The following MCF2L variants were observed in gnomAD, a reference collection of about 807,000 sequenced individuals.
MCF2L encodes guanine nucleotide exchange factor DBS.
In MCF2L, 97 loss-of-function variants were observed where a neutral mutation model predicts 153.4. The observed-to-expected ratio is 0.63, with a 90% confidence interval of 0.54 to 0.75. The LOEUF (loss-of-function observed/expected upper bound fraction) is 0.75, where lower values mean the gene tolerates loss of function less well. Ranked by LOEUF, MCF2L falls within the 30% of genes least tolerant of loss-of-function variation. The pLI is 0.00. For missense variants in MCF2L, 1,347 were observed against 1,495.2 expected (o/e 0.90, Z 1.64); for synonymous variants, 659 against 632.2 (o/e 1.04, Z -0.64).
chr13:113,089,509 C>T (rs2034991553), intron 25 of MCF2L, 101 bp from the exon 26 acceptor site: 14 of 773,406 alleles, frequency 1.8e-5, no homozygotes, highest in South Asian at 8.0e-5. Flanking sequence ...AGGATCAGGC[C>T]GGGAGCTCAG....
intron 4 of MCF2L, among the ~76,000 whole-genome samples, chr13:113,060,101 G>A (rs1441415663): frequency 6.6e-6 from 1 of 152,096 alleles, no homozygotes; most frequent in Non-Finnish European, 1.5e-5. Context: ...TTCTGGTCTG[G>A]CTGCCTCCTG....
rs1306003386 is a variant in MCF2L, at chr13:112,904,795, C to G, written c.169+2424C>G. On this transcript the variant is annotated intron_variant, in intron 2 of 29. Transcript: ENST00000375608. This position sits in a 1 kb window ranked among gnomAD's most constrained non-coding sequence, Gnocchi z 4.2. The stretch of plus-strand genomic sequence containing the variant: ...GCTCTCAGGCCCTGCCTGCACCACA[C>G]CTGCTCCGTCTCCAGGTGACCTGGG... 6.6e-6 allele frequency among the ~76,000 whole-genome samples: 1 copy of G among 152,272 alleles called. No individual in the cohort carries two copies. The highest frequency in any genetic ancestry group is 2.4e-5 in the African/African-American group (1 of 41,482).
At chr13:113,026,508 G>C (rs535586336) in intron 3 of MCF2L, among the ~76,000 whole-genome samples, 4 of 152,188 alleles carry the variant, frequency 2.6e-5, no homozygotes, top group Non-Finnish European at 4.4e-5. Flanking sequence ...CTCAGCAGTC[G>C]GGATCTGACT....
In MCF2L at chr13:112,960,173, C is replaced by T. The variant is rs1376280158; in HGVS notation, c.170-54590C>T. On this transcript the variant is annotated intron_variant, in intron 2 of 29. Transcript: ENST00000375608. The surrounding 1 kb of genome is among the most constrained non-coding windows in gnomAD (Gnocchi z 4.2). Reference sequence around the variant, plus strand: ...ACACACAATGGAAGTTTAGTTGGCTCATGGTCCTGGAGGCTTGGAAGCCCA... The same window carrying T: ...ACACACAATGGAAGTTTAGTTGGCTTATGGTCCTGGAGGCTTGGAAGCCCA... Among the ~76,000 whole-genome samples, 1 of 152,234 alleles carries T rather than the reference C, an allele frequency of 6.6e-6. No homozygotes were observed. The highest frequency in any genetic ancestry group is 2.4e-5 in the African/African-American group (1 of 41,454).
intron 5 of MCF2L, among the ~76,000 whole-genome samples, chr13:113,062,513 C>T (rs938787382): frequency 2.6e-5 from 4 of 152,070 alleles, no homozygotes; most frequent in Non-Finnish European, 4.4e-5. Flanking sequence ...GGAGCAAGAC[C>T]GACCTCACGG....
intron 1 of MCF2L, among the ~76,000 whole-genome samples, chr13:113,002,453 T>C (rs1367300636): frequency 1.3e-5 from 2 of 152,226 alleles, no homozygotes; most frequent in African/African-American, 4.8e-5. Flanking sequence ...GTCCCCACAA[T>C]GGGGCCACCC....
intron 11 of MCF2L, 38 bp from the exon 12 acceptor site, chr13:113,075,928 C>T (rs780644598): frequency 6.5e-7 from 1 of 1,532,306 alleles, no homozygotes; most frequent in Non-Finnish European, 8.9e-7. Context: ...CTCACCCTCT[C>T]ACGGCGTCCT....
chr13:112,914,243 GAC>G (rs1381922774), intron 2 of MCF2L, among the ~76,000 whole-genome samples: 1 of 152,202 alleles, frequency 6.6e-6, no homozygotes, highest in Non-Finnish European at 1.5e-5. Context: ...TGCGAGCTGA[GAC>G]ACATGTTCAC....
At chr13:112,959,543 A>G (rs2081799124) in intron 2 of MCF2L, among the ~76,000 whole-genome samples, 2 of 152,104 alleles carry the variant, frequency 1.3e-5, no homozygotes, top group South Asian at 4.1e-4. Flanking sequence ...CTGGCAGCAT[A>G]CAGAACAATA....
Position 112,921,453 on chromosome 13 carries a change from G to T in MCF2L, c.169+19082G>T, listed in dbSNP as rs557564847. Among the ~76,000 whole-genome samples the T allele has an allele frequency of 9.8e-5, 15 of 152,304 alleles. 1 individual carries two copies. In the South Asian group the frequency reaches 3.1e-3, roughly 32 times the overall value. On this transcript the variant is annotated intron_variant, in intron 2 of 29. Coordinates refer to the MCF2L transcript ENST00000375608. ...GCAGCAATAACTTTAGTAAATCAGAGTCTATAGGATTTGTGTGGAAAACAA... is the reference window on the plus strand; with the variant it reads ...GCAGCAATAACTTTAGTAAATCAGATTCTATAGGATTTGTGTGGAAAACAA...
In MCF2L at chr13:112,937,697, T is replaced by C. The variant is rs1055595941; in HGVS notation, c.169+35326T>C. On this transcript the variant is annotated intron_variant, in intron 2 of 29. Transcript: ENST00000375608. Reference sequence around the variant, plus strand: ...ATTGGTTGATACAGCTAAGCCCTGATTGGGTGATGCAGCTGAGCCCTGATT... The same window carrying C: ...ATTGGTTGATACAGCTAAGCCCTGACTGGGTGATGCAGCTGAGCCCTGATT... Among the ~76,000 whole-genome samples the C allele has an allele frequency of 5.3e-5, 8 of 152,228 alleles. No individual in the cohort carries two copies. In the South Asian group the frequency reaches 1.0e-3, roughly 20 times the overall value.
intron 2 of MCF2L, among the ~76,000 whole-genome samples, chr13:112,908,737 TTTTTG>T (rs1025130110): frequency 1.5e-4 from 9 of 59,986 alleles, no homozygotes; most frequent in Non-Finnish European, 2.0e-4. Flanking sequence ...TTTTGGTTTT[TTTTTG>T]TTTTTTTTTG....
chr13:113,002,475 C>T (rs1055284084), intron 1 of MCF2L, among the ~76,000 whole-genome samples: 15 of 152,252 alleles, frequency 9.9e-5, no homozygotes, highest in Non-Finnish European at 1.8e-4. Flanking sequence ...TGGTGCAAGG[C>T]GTGACAAGCT....
chr13:113,016,856 T>C (rs2084555959), intron 2 of MCF2L, among the ~76,000 whole-genome samples: 1 of 152,094 alleles, frequency 6.6e-6, no homozygotes, highest in Admixed American at 6.5e-5. Flanking sequence ...TTACACCACC[T>C]CACGTCCTCC....
intron 1 of MCF2L, among the ~76,000 whole-genome samples, chr13:113,004,334 G>A (rs971897708): frequency 1.3e-5 from 2 of 152,186 alleles, no homozygotes; most frequent in South Asian, 2.1e-4. Flanking sequence ...GCCTCTTGTT[G>A]AGCGCACCTC....
At chr13:112,959,509 A>T (rs2317136) in intron 2 of MCF2L, among the ~76,000 whole-genome samples, 99,121 of 151,814 alleles carry the variant, frequency 0.65, 32,539 homozygotes, top group Middle Eastern at 0.77. Context: ...GTGAGGGAGG[A>T]GGGTCATCCT....
At chr13:113,012,550 A>C (rs1413931096) in intron 1 of MCF2L, among the ~76,000 whole-genome samples, 17 of 91,628 alleles carry the variant, frequency 1.9e-4, no homozygotes, top group East Asian at 3.7e-4. Flanking sequence ...CACTGCGATG[A>C]GGACAGTGGA....
intron 9 of MCF2L, among the ~76,000 whole-genome samples, chr13:113,072,990 A>G (rs893507599): frequency 2.6e-5 from 4 of 151,350 alleles, no homozygotes; most frequent in African/African-American, 9.7e-5. Flanking sequence ...GTGTTCCACA[A>G]ATTTTGATGT....
intron 4 of MCF2L, among the ~76,000 whole-genome samples, chr13:113,058,025 A>T (rs1336094317): frequency 9.7e-6 from 1 of 103,584 alleles, no homozygotes; most frequent in African/African-American, 3.9e-5. Flanking sequence ...TGGACACTGA[A>T]TGGGTGCTGA....
Sources: allele counts gnomAD v4.1 joint callset (sites outside exome capture counted in the v4.1 genomes callset), GRCh38; gene constraint gnomAD v4.1.1; non-coding constraint Gnocchi (gnomAD v3.1); transcripts MANE v1.5; gene names NCBI Gene and HGNC (gene_info 2026-07-23, HGNC 2026-07-21).